DSP: variants seen among roughly 807,000 people sequenced by gnomAD.
DSP encodes the protein 250/210 kDa paraneoplastic pemphigus antigen.
DSP carries 114 observed loss-of-function variants against 290.6 expected under a neutral mutation model. That is an observed-to-expected ratio of 0.39 (90% CI 0.34 to 0.46). The LOEUF is 0.46. DSP is among the 20% of genes least tolerant of loss of function. The pLI is 0.99. For synonymous variants in DSP, 1,311 were observed against 1,316.4 expected, an observed-to-expected ratio of 1.00 and a Z score of 0.09; for missense variants, 3,230 against 3,495.8, an observed-to-expected ratio of 0.92 and a Z score of 1.92.
chr6:7,571,289 C>A (rs1025876146), intron 13 of DSP, 94 bp from the exon 14 acceptor site: 1 of 1,193,910 alleles, frequency 8.4e-7, no homozygotes, highest in Middle Eastern at 2.0e-4. Flanking sequence ...TGCTTTGAGT[C>A]CCATCTAGTG....
chr6:7,566,368 C>T lies in DSP; in HGVS notation c.940-9C>T, dbSNP rs1016646349. On this transcript the variant is annotated splice_polypyrimidine_tract_variant and intron_variant, in intron 7 of 23. Transcript: ENST00000379802. Reference sequence around the variant, plus strand: ...TGCTGCAAAGGATTTCTTATTTCTTCATTCACAGATACGCATGAGTCAACT... The same window carrying T: ...TGCTGCAAAGGATTTCTTATTTCTTTATTCACAGATACGCATGAGTCAACT... 2 of 1,607,830 alleles carry T rather than the reference C, an allele frequency of 1.2e-6. No individual in the cohort carries two copies. The highest frequency in any genetic ancestry group is 1.7e-5 in the Admixed American group (1 of 59,986).
chr6:7,562,593 G>A (rs1758729700), intron 4 of DSP, 59 bp from the exon 5 acceptor site: 1 of 1,612,014 alleles, frequency 6.2e-7, no homozygotes, highest in South Asian at 1.1e-5. Context: ...GTGTGCGTAA[G>A]TGAAACAGGT....
At chr6:7,553,039 A>G (rs1758390124) in intron 1 of DSP, among the ~76,000 whole-genome samples, 1 of 152,208 alleles carries the variant, frequency 6.6e-6, no homozygotes, top group Non-Finnish European at 1.5e-5. Context: ...CTGTTTTTTA[A>G]TACATTTTAA....
intron 2 of DSP, among the ~76,000 whole-genome samples, chr6:7,556,372 A>G (rs1268640134): frequency 3.9e-5 from 6 of 152,252 alleles, no homozygotes; most frequent in African/African-American, 7.2e-5. Flanking sequence ...TCGAATCCAG[A>G]TTAGAAATCA....
Position 7,585,929 on chromosome 6 carries a change from C to T in DSP, c.*51C>T, listed in dbSNP as rs781012005. 6.4e-7 allele frequency: 1 copy of T among 1,556,808 alleles called. No homozygotes were observed. Among genetic ancestry groups the T allele is most frequent in the Non-Finnish European group, 8.8e-7 (1 of 1,133,526 alleles). Reference sequence around the variant, plus strand: ...CCTTGACTTCATTTATATGAATTTCCACTTTATTAAATAATAGAAAAGAAA... The same window carrying T: ...CCTTGACTTCATTTATATGAATTTCTACTTTATTAAATAATAGAAAAGAAA... On this transcript the variant is annotated 3_prime_UTR_variant, in exon 24 of 24. Transcript: ENST00000379802.
chr6:7,549,957 C>G (rs1758285358), intron 1 of DSP, among the ~76,000 whole-genome samples: 1 of 152,036 alleles, frequency 6.6e-6, no homozygotes. Flanking sequence ...TATAATGTCC[C>G]TCTTTGAAAT....
At position 7,566,407 on chromosome 6, in the gene DSP, AAAGAGCTCAATAAGCTGAAAC is replaced by A. The variant is rs1208095239; in HGVS notation, c.975_995del (p.Leu326_Glu332del). On this transcript the variant is annotated inframe_deletion, in exon 8 of 24. Transcript: ENST00000379802. ...CATGAGTCAACTGGAAGTTAAAGAA[AAAGAGCTCAATAAGCTGAAAC>A]AAGAAAGTGACCAACTTGTCCTCAA... The A allele has an allele frequency of 6.2e-7, 1 of 1,613,856 alleles. No individual in the cohort carries two copies. Among genetic ancestry groups the A allele is most frequent in the Non-Finnish European group, 8.5e-7 (1 of 1,180,028 alleles).
In DSP at chr6:7,585,612, T is replaced by C. The variant is rs1240301188; in HGVS notation, c.8350T>C (p.Ser2784Pro). The C allele has an allele frequency of 1.2e-6, 2 of 1,614,192 alleles. No homozygotes were observed. The highest frequency in any genetic ancestry group is 1.7e-6 in the Non-Finnish European group (2 of 1,180,038). The change falls in exon 24 of 24, where the codon TCC (serine) becomes CCC (proline). Residue 2784 changes from serine to proline, a missense_variant. Transcript: ENST00000379802. ...LTCPKTKLKI[S>P]YKDAINRSMV... is the part of the protein sequence containing the mutation. Reference sequence around the variant, plus strand: ...CTGCCCCAAAACCAAATTAAAAATATCCTATAAGGATGCCATAAATCGCTC... The same window carrying C: ...CTGCCCCAAAACCAAATTAAAAATACCCTATAAGGATGCCATAAATCGCTC...
In DSP at chr6:7,565,497, G is replaced by C. The variant is rs368193211; in HGVS notation, c.916G>C (p.Ala306Pro). 1.9e-6 allele frequency: 3 copies of C among 1,613,908 alleles called. No individual in the cohort carries two copies. In the South Asian group the frequency reaches 3.3e-5, roughly 18 times the overall value. Residue 306 changes from alanine (A) to proline (P), a missense_variant, in exon 7 of 24, where the codon GCT becomes CCT. By Grantham distance (27) the Ala-to-Pro change is conservative (BLOSUM62 -1). Coordinates refer to ENST00000379802, the MANE Select transcript of DSP (RefSeq NM_004415.4). The surrounding 1 kb of genome is among the most constrained non-coding windows in gnomAD (Gnocchi z 4.2). ...YDWSDKNTNI[A>P]QKQEAFSIRM... Reference sequence around the variant, plus strand: ...CTGGAGCGACAAGAACACCAACATCGCTCAGAAACAGGAGGCCTTCTCCGT... The same window carrying C: ...CTGGAGCGACAAGAACACCAACATCCCTCAGAAACAGGAGGCCTTCTCCGT...
rs1384942219 is a variant in DSP, at chr6:7,583,683, G to C, written c.6421G>C (p.Val2141Leu). The change falls in exon 24 of 24, where the codon GTC (valine) becomes CTC (leucine). Residue 2141 changes from valine to leucine, a missense_variant. Val to Leu is a conservative substitution (Grantham distance 32, BLOSUM62 1). This residue lies in a region of DSP where 1,714 missense variants were observed against 1,844.5 expected (regional missense o/e 0.93). Transcript: ENST00000379802. The surrounding 1 kb of genome is among the most constrained non-coding windows in gnomAD (Gnocchi z 4.0). ...GGGTGTAGTAGACCCTGTGAACAGT[G>C]TCTTTTTGCCAAAAGATGTCGCCTT... ...SGGVVDPVNS[V>L]FLPKDVALAR... 1 of 1,614,124 alleles carries C rather than the reference G, an allele frequency of 6.2e-7. No individual in the cohort carries two copies. Among genetic ancestry groups the C allele is most frequent in the Admixed American group, 1.7e-5 (1 of 60,014 alleles).
At chr6:7,562,524 T>TGGCTTCAAAAATACTCC in intron 4 of DSP, 128 bp from the exon 5 acceptor site, 2 of 1,538,062 alleles carry the variant, frequency 1.3e-6, no homozygotes, top group Non-Finnish European at 1.8e-6. Flanking sequence ...AAAAATATTC[T>TGGCTTCAAAAATACTCC]GGCTTCAAAA....
At position 7,585,606 on chromosome 6, in the gene DSP, A is replaced by C; in HGVS notation, c.8344A>C (p.Lys2782Gln). ...CCTGACCTGCCCCAAAACCAAATTA[A>C]AAATATCCTATAAGGATGCCATAAA... ...KILTCPKTKL[K>Q]ISYKDAINRS... is the part of the protein sequence containing the mutation. Residue 2782 changes from lysine (K) to glutamine (Q), a missense_variant, in exon 24 of 24, where the codon AAA becomes CAA. Around this residue, in one of 5 missense-constraint regions of DSP, gnomAD observed 582 missense variants for 555.4 expected, o/e 1.05. Coordinates refer to ENST00000379802, the MANE Select transcript of DSP (RefSeq NM_004415.4). 1.2e-6 allele frequency: 2 copies of C among 1,614,184 alleles called. No individual in the cohort carries two copies. The highest frequency in any genetic ancestry group is 1.7e-6 in the Non-Finnish European group (2 of 1,180,030).
At chr6:7,573,532 C>G (rs1759125234) in intron 15 of DSP, among the ~76,000 whole-genome samples, 1 of 150,866 alleles carries the variant, frequency 6.6e-6, no homozygotes, top group Non-Finnish European at 1.5e-5. Flanking sequence ...GAGCTGAGAT[C>G]ACGCCATTGC....
Position 7,542,969 on chromosome 6 carries a change from G to GC in DSP, c.170+887dup, listed in dbSNP as rs563454824. Among the ~76,000 whole-genome samples, 852 of 152,256 alleles carry GC rather than the reference G, an allele frequency of 5.6e-3. 9 individuals carry two copies. Among genetic ancestry groups the GC allele is most frequent in the African/African-American group, 0.018 (766 of 41,512 alleles). On this transcript the variant is annotated intron_variant, in intron 1 of 23. Coordinates refer to ENST00000379802, the MANE Select transcript of DSP (RefSeq NM_004415.4). ...GGGGTGGGAGAGGACGACGCTGGGG[G>GC]CCCGCCCTGGCCTAGGCGCCCCGGG...
At position 7,570,461 on chromosome 6, in the gene DSP, C is replaced by G. The variant is rs1351478150; in HGVS notation, c.1599C>G (p.Ile533Met). ...GGATTGAGCAGTACTACGAAGCCAT[C>G]TTGGCTCTGTGGAACCAGCTCTACA... is the stretch of plus-strand genomic sequence containing the variant. ...SCKIEQYYEA[I>M]LALWNQLYIN... Residue 533 changes from isoleucine to methionine, a missense_variant, in exon 13 of 24, where the codon ATC (isoleucine) becomes ATG (methionine). By Grantham distance (10) the Ile-to-Met change is conservative. Around this residue, in one of 5 missense-constraint regions of DSP, gnomAD observed 646 missense variants for 684.3 expected, o/e 0.94. Coordinates refer to ENST00000379802, the MANE Select transcript of DSP (RefSeq NM_004415.4). 1.9e-6 allele frequency: 3 copies of G among 1,614,042 alleles called. No individual in the cohort carries two copies. The highest frequency in any genetic ancestry group is 1.7e-6 in the Non-Finnish European group (2 of 1,180,044).
chr6:7,559,360 A>T lies in DSP; in HGVS notation c.557A>T (p.His186Leu), dbSNP rs1033990351. Residue 186 changes from histidine to leucine, a missense_variant, in exon 4 of 24, where the codon CAT becomes CTT. Transcript: ENST00000379802. ...TCTGGCTGGGATGAGTTCACCAAAC[A>T]TGTCACCAGTGAATGTTTGGGGTGG... Reference protein sequence around the residue: ...SGSGWDEFTKHVTSECLGWMR... With the variant: ...SGSGWDEFTKLVTSECLGWMR... 6.2e-7 allele frequency: 1 copy of T among 1,613,360 alleles called. No homozygotes were observed. Among genetic ancestry groups the T allele is most frequent in the Non-Finnish European group, 8.5e-7 (1 of 1,180,034 alleles).
chr6:7,565,537 C>T lies in DSP; in HGVS notation c.939+17C>T, dbSNP rs140481492. ...GCCTTCTCCGTAAGTTCACCCCACGCGGCTGTAGATGCTTGTCTTGAGCCT... is the reference window on the plus strand; with the variant it reads ...GCCTTCTCCGTAAGTTCACCCCACGTGGCTGTAGATGCTTGTCTTGAGCCT... On this transcript the variant is annotated intron_variant, in intron 7 of 23. Transcript: ENST00000379802. This position sits in a 1 kb window ranked among gnomAD's most constrained non-coding sequence, Gnocchi z 4.2. The T allele has an allele frequency of 2.1e-4, 333 of 1,613,690 alleles. 2 individuals are homozygous for T. The African/African-American group carries it at 4.2e-3, about 20-fold the overall frequency.
At chr6:7,554,794 A>G (rs989479326) in intron 1 of DSP, among the ~76,000 whole-genome samples, 2 of 152,110 alleles carry the variant, frequency 1.3e-5, no homozygotes, top group African/African-American at 4.8e-5. Context: ...ACAGGCATGC[A>G]TCACCATGTT....
At chr6:7,547,195 G>C (rs994524571) in intron 1 of DSP, among the ~76,000 whole-genome samples, 1 of 152,032 alleles carries the variant, frequency 6.6e-6, no homozygotes. Flanking sequence ...GTTCAGATGT[G>C]GTTCTGATTT....
Sources: allele counts gnomAD v4.1 joint callset (sites outside exome capture counted in the v4.1 genomes callset), GRCh38; gene constraint gnomAD v4.1.1; regional missense constraint gnomAD v4.1.1; non-coding constraint Gnocchi (gnomAD v3.1); transcripts MANE v1.5; gene names NCBI Gene and HGNC (gene_info 2026-07-23, HGNC 2026-07-21).